CDKAL1: variants seen among roughly 807,000 people sequenced by gnomAD.
CDKAL1 encodes the protein CDKAL1 threonylcarbamoyladenosine tRNA methylthiotransferase.
A neutral mutation model predicts 68.2 loss-of-function variants in CDKAL1; 32 were observed. The ratio of observed to expected loss-of-function variants is 0.47; its 90% confidence interval spans 0.35 to 0.63. The LOEUF is 0.63. Among genes scored for constraint, CDKAL1 ranks in the 30% least tolerant of loss-of-function variants. The pLI, the probability that CDKAL1 is intolerant of heterozygous loss-of-function variation, is 0.00. For missense variants in CDKAL1, 606 were observed against 696.7 expected (o/e 0.87, Z 1.47); for synonymous variants, 234 against 244.3 (o/e 0.96, Z 0.39).
intron 4 of CDKAL1, among the ~76,000 whole-genome samples, chr6:20,570,052 A>C (rs1764633630): frequency 6.6e-6 from 1 of 152,110 alleles, no homozygotes; most frequent in Admixed American, 6.5e-5. Flanking sequence ...ACTTAAAAAT[A>C]TTTGACTACA....
At chr6:20,639,461 C>T (rs1488868082) in intron 4 of CDKAL1, among the ~76,000 whole-genome samples, 1 of 152,120 alleles carries the variant, frequency 6.6e-6, no homozygotes, top group Non-Finnish European at 1.5e-5. Flanking sequence ...CTCTTTCCTC[C>T]TTTTCCCCCC....
At chr6:20,668,947 GA>G (rs1388800373) in intron 5 of CDKAL1, among the ~76,000 whole-genome samples, 1 of 152,146 alleles carries the variant, frequency 6.6e-6, no homozygotes, top group Non-Finnish European at 1.5e-5. Context: ...ATTTTATCAA[GA>G]ATATAGGAGT....
At chr6:20,891,676 A>G (rs1481777234) in intron 9 of CDKAL1, among the ~76,000 whole-genome samples, 2 of 151,878 alleles carry the variant, frequency 1.3e-5, no homozygotes, top group African/African-American at 2.4e-5. Context: ...CTGGGACTAC[A>G]GGCATGCGCC....
intron 10 of CDKAL1, among the ~76,000 whole-genome samples, chr6:20,974,325 A>G (rs1043283205): frequency 1.3e-5 from 2 of 152,238 alleles, no homozygotes; most frequent in African/African-American, 4.8e-5. Flanking sequence ...AAACTTTGTT[A>G]TTTGACCATA....
chr6:21,103,676 A>G (rs1773704655), intron 12 of CDKAL1, among the ~76,000 whole-genome samples: 1 of 152,238 alleles, frequency 6.6e-6, no homozygotes, highest in Non-Finnish European at 1.5e-5. Flanking sequence ...TTTGGGATTA[A>G]TGATGAAGGT....
rs367950077 is a variant in CDKAL1 at position 20,763,184 on chromosome 6, A to G, written c.517+4541A>G. ...AATTGGAGGATGTGACAAGAGAGCA[A>G]GCTAAGAGTATCCATTCCCGTCTCT... On this transcript the variant is annotated intron_variant, in intron 7 of 15. Coordinates refer to ENST00000274695, the MANE Select transcript of CDKAL1 (RefSeq NM_017774.3). Among the ~76,000 whole-genome samples, 31 of 152,254 alleles carry G rather than the reference A, an allele frequency of 2.0e-4. 1 individual carries two copies. The highest frequency in any genetic ancestry group is 6.7e-4 in the African/African-American group (28 of 41,558).
intron 5 of CDKAL1, among the ~76,000 whole-genome samples, chr6:20,655,636 G>T (rs527933436): frequency 1.3e-5 from 2 of 152,228 alleles, no homozygotes; most frequent in South Asian, 2.1e-4. Flanking sequence ...CTCCTTATAA[G>T]AATCTAAACT....
At chr6:21,079,379 A>G (rs1371941467) in intron 12 of CDKAL1, among the ~76,000 whole-genome samples, 2 of 152,216 alleles carry the variant, frequency 1.3e-5, no homozygotes, top group African/African-American at 2.4e-5. Context: ...GAACAGAGGA[A>G]TCAGAAAGCC....
intron 8 of CDKAL1, among the ~76,000 whole-genome samples, chr6:20,835,597 G>C (rs1033540744): frequency 1.3e-5 from 2 of 152,012 alleles, no homozygotes; most frequent in Non-Finnish European, 1.5e-5. Flanking sequence ...AGCCAGGCTA[G>C]AGTGCAGTGG....
intron 5 of CDKAL1, among the ~76,000 whole-genome samples, chr6:20,667,007 TG>T (rs35540121): frequency 0.38 from 57,768 of 151,906 alleles, 11,737 homozygotes; most frequent in African/African-American, 0.53. Context: ...CAAATGTCTA[TG>T]TTCTCTGGCC....
intron 13 of CDKAL1, among the ~76,000 whole-genome samples, chr6:21,183,576 T>G (rs927441241): frequency 6.6e-6 from 1 of 152,128 alleles, no homozygotes; most frequent in Non-Finnish European, 1.5e-5. Flanking sequence ...AATAAAGACG[T>G]CCAGTAGTAA....
intron 5 of CDKAL1, among the ~76,000 whole-genome samples, chr6:20,681,837 G>T (rs1770390283): frequency 6.6e-6 from 1 of 152,132 alleles, no homozygotes; most frequent in Non-Finnish European, 1.5e-5. Flanking sequence ...TGCTCAGGCT[G>T]CTCTTACAAA....
chr6:20,841,533 T>C (rs576586790), intron 8 of CDKAL1, among the ~76,000 whole-genome samples: 3 of 152,350 alleles, frequency 2.0e-5, no homozygotes, highest in African/African-American at 7.2e-5. Flanking sequence ...CTTTGAAGTA[T>C]TTTAATTTGT....
At chr6:21,167,169 T>A (rs1215386704) in intron 13 of CDKAL1, among the ~76,000 whole-genome samples, 2 of 152,248 alleles carry the variant, frequency 1.3e-5, no homozygotes, top group Non-Finnish European at 2.9e-5. Flanking sequence ...TTATGGCATA[T>A]CCTGTAGTTC....
At chr6:20,912,201 G>T (rs1263601989) in intron 9 of CDKAL1, among the ~76,000 whole-genome samples, 2 of 152,054 alleles carry the variant, frequency 1.3e-5, no homozygotes, top group African/African-American at 4.8e-5. Context: ...AAAATTTCCA[G>T]TGTTCTTCCT....
intron 4 of CDKAL1, among the ~76,000 whole-genome samples, chr6:20,623,354 T>C (rs1315860212): frequency 1.3e-5 from 2 of 152,076 alleles, no homozygotes; most frequent in Non-Finnish European, 2.9e-5. Context: ...TATGCAATGA[T>C]TCATTTTGGA....
intron 15 of CDKAL1, among the ~76,000 whole-genome samples, chr6:21,205,741 C>T (rs1440541545): frequency 4.7e-5 from 7 of 150,082 alleles, no homozygotes; most frequent in South Asian, 2.1e-4. Context: ...CTGTGTTAGC[C>T]AGGATGGTCT....
chr6:20,845,717 T>C (rs1006375816), intron 8 of CDKAL1, among the ~76,000 whole-genome samples: 11 of 152,198 alleles, frequency 7.2e-5, no homozygotes, highest in African/African-American at 1.9e-4. Context: ...TTTCTAGTTA[T>C]GATGGCCAAA....
chr6:21,108,350 A>G, intron 12 of CDKAL1, 51 bp from the exon 13 acceptor site: 1 of 1,255,324 alleles, frequency 8.0e-7, no homozygotes, highest in South Asian at 1.3e-5. Flanking sequence ...ATCTGCTGTC[A>G]ACTCAATTGT....
Sources: allele counts gnomAD v4.1 joint callset (sites outside exome capture counted in the v4.1 genomes callset), GRCh38; gene constraint gnomAD v4.1.1; transcripts MANE v1.5; gene names NCBI Gene and HGNC (gene_info 2026-07-23, HGNC 2026-07-21).